Variants in TMEM266 observed in about 807,000 individuals in gnomAD.
TMEM266 encodes transmembrane protein 266.
TMEM266 carries 33 observed loss-of-function variants against 50.5 expected under a neutral mutation model. That is an observed-to-expected ratio of 0.65 (90% CI 0.50 to 0.87). The LOEUF is 0.87. TMEM266 is among the 40% of genes least tolerant of loss of function. TMEM266 has a pLI of 0.00. For missense variants in TMEM266, 655 were observed against 695.1 expected (o/e 0.94, Z 0.65); for synonymous variants, 310 against 292.3 (o/e 1.06, Z -0.62).
intron 1 of TMEM266, among the ~76,000 whole-genome samples, chr15:76,119,272 C>T (rs1392270501): frequency 6.6e-6 from 1 of 151,840 alleles, no homozygotes; most frequent in East Asian, 1.9e-4. Flanking sequence ...TATTTGTACC[C>T]ACTCTACTTG....
intron 5 of TMEM266, among the ~76,000 whole-genome samples, chr15:76,164,760 C>T (rs148406766): frequency 4.6e-5 from 7 of 152,366 alleles, no homozygotes; most frequent in African/African-American, 1.7e-4. Context: ...GAGCCACGCA[C>T]CACCCTACGC....
chr15:76,199,630 C>T (rs1223481692), intron 9 of TMEM266, among the ~76,000 whole-genome samples: 1 of 152,198 alleles, frequency 6.6e-6, no homozygotes, highest in South Asian at 2.1e-4. Context: ...TGCATTAGGG[C>T]AGTGTGATCA....
rs915148113 is a variant in TMEM266, at chr15:76,204,088, G to C, written c.1369G>C (p.Ala457Pro). 1.2e-6 allele frequency: 2 copies of C among 1,612,658 alleles called. No individual in the cohort carries two copies. Among genetic ancestry groups the C allele is most frequent in the African/African-American group, 2.7e-5 (2 of 74,880 alleles). Reference sequence around the variant, plus strand: ...GGAGGACCCCTGCCCTTCCCAGAAGGCCTTGGACCCAGCCCCCCTCGCCCG... The same window carrying C: ...GGAGGACCCCTGCCCTTCCCAGAAGCCCTTGGACCCAGCCCCCCTCGCCCG... Residue 457 changes from alanine to proline, a missense_variant, in exon 11 of 11, where the codon GCC becomes CCC. By Grantham distance (27) the Ala-to-Pro change is conservative. Transcript: ENST00000388942.
At chr15:76,101,363 G>A (rs1193512351) in intron 1 of TMEM266, among the ~76,000 whole-genome samples, 1 of 152,180 alleles carries the variant, frequency 6.6e-6, no homozygotes. Context: ...TGGAAGAAAG[G>A]ACTCTGCAGT....
At chr15:76,141,820 A>G (rs1603711) in intron 3 of TMEM266, among the ~76,000 whole-genome samples, 1,855 of 152,288 alleles carry the variant, frequency 0.012, 34 homozygotes, top group African/African-American at 0.043. Flanking sequence ...AGTGCCTCCT[A>G]TAAGTGAAAT....
intron 5 of TMEM266, among the ~76,000 whole-genome samples, chr15:76,169,424 C>G (rs922174499): frequency 6.6e-6 from 1 of 152,050 alleles, no homozygotes; most frequent in Admixed American, 6.6e-5. Flanking sequence ...TTTGAAGATT[C>G]GTAAGTGGTT....
chr15:76,096,727 T>C (rs79528740), intron 1 of TMEM266, among the ~76,000 whole-genome samples: 2 of 152,032 alleles, frequency 1.3e-5, no homozygotes, highest in Non-Finnish European at 2.9e-5. Context: ...CCCACTATTA[T>C]TGTGTTGAAG....
chr15:76,095,254 C>T (rs1358558665), intron 1 of TMEM266, among the ~76,000 whole-genome samples: 1 of 152,010 alleles, frequency 6.6e-6, no homozygotes, highest in Non-Finnish European at 1.5e-5. Context: ...GTGGGTTTGT[C>T]ATAAATAGCT....
chr15:76,163,749 T>C (rs1382887973), intron 5 of TMEM266, among the ~76,000 whole-genome samples: 1 of 151,614 alleles, frequency 6.6e-6, no homozygotes, highest in Non-Finnish European at 1.5e-5. Context: ...ATCCCTGGGG[T>C]CTGGAAAGGC....
At chr15:76,199,407 C>T (rs1003084999) in intron 9 of TMEM266, among the ~76,000 whole-genome samples, 1 of 152,252 alleles carries the variant, frequency 6.6e-6, no homozygotes, top group African/African-American at 2.4e-5. Context: ...CTCAGGATGT[C>T]TCCAGCAGGC....
At chr15:76,154,730 G>A (rs74024092) in intron 3 of TMEM266, among the ~76,000 whole-genome samples, 2 of 152,270 alleles carry the variant, frequency 1.3e-5, no homozygotes, top group African/African-American at 2.4e-5. Flanking sequence ...TCCCCACAGA[G>A]TTGAGGACGG....
chr15:76,190,108 T>G (rs1020262362), intron 8 of TMEM266, among the ~76,000 whole-genome samples: 28 of 152,228 alleles, frequency 1.8e-4, no homozygotes, highest in African/African-American at 6.8e-4. Flanking sequence ...CAGAAGGTGA[T>G]AAGTTCAATG....
At chr15:76,135,111 C>T (rs190083875) in intron 2 of TMEM266, among the ~76,000 whole-genome samples, 16 of 152,222 alleles carry the variant, frequency 1.1e-4, no homozygotes, top group African/African-American at 3.4e-4. Context: ...TCTAACATCT[C>T]GTTGGCAAAA....
At chr15:76,091,313 A>G (rs2036844444) in intron 1 of TMEM266, among the ~76,000 whole-genome samples, 2 of 150,452 alleles carry the variant, frequency 1.3e-5, no homozygotes. Context: ...AGAGGAAGAC[A>G]TGGGACCTCA....
intron 3 of TMEM266, among the ~76,000 whole-genome samples, chr15:76,149,517 A>G (rs773248760): frequency 1.3e-5 from 2 of 152,252 alleles, no homozygotes; most frequent in African/African-American, 2.4e-5. Context: ...TCATCACCAT[A>G]GATCATAGGA....
intron 1 of TMEM266, among the ~76,000 whole-genome samples, chr15:76,076,610 C>T (rs1221467848): frequency 2.6e-5 from 4 of 151,986 alleles, no homozygotes; most frequent in Non-Finnish European, 5.9e-5. Context: ...TTACCAATTC[C>T]TAGGCAGAAA....
chr15:76,175,408 A>G lies in TMEM266; in HGVS notation c.653-151A>G, dbSNP rs752334512. On this transcript the variant is annotated intron_variant, in intron 7 of 10. Transcript: ENST00000388942. ...GGCTGTGGCCCTCTGTACTTTCTGG[A>G]TGCTCTCGGGTACCTGGACATTTCC... is the stretch of plus-strand genomic sequence containing the variant. The G allele has an allele frequency of 2.3e-5, 14 of 617,694 alleles. No homozygotes were observed. In the Admixed American group the frequency reaches 3.5e-4, roughly 15 times the overall value. The allele number at this position is 617,694 out of a possible 1,614,324, so 38.3% of individuals were successfully genotyped here.
intron 3 of TMEM266, among the ~76,000 whole-genome samples, chr15:76,144,706 T>G (rs2037731769): frequency 6.6e-6 from 1 of 152,138 alleles, no homozygotes; most frequent in Non-Finnish European, 1.5e-5. Flanking sequence ...TCTCCCTCCC[T>G]GCCTCTACCC....
intron 3 of TMEM266, among the ~76,000 whole-genome samples, chr15:76,140,871 CAAA>C (rs3068699): frequency 0.16 from 21,425 of 133,430 alleles, 1,805 homozygotes; most frequent in Admixed American, 0.25. Context: ...CCCATCTCTA[CAAA>C]AAAAAAAAAA....
Sources: allele counts gnomAD v4.1 joint callset (sites outside exome capture counted in the v4.1 genomes callset), GRCh38; gene constraint gnomAD v4.1.1; transcripts MANE v1.5; gene names NCBI Gene and HGNC (gene_info 2026-07-23, HGNC 2026-07-21).